The following MAPRE2 variants were observed in gnomAD, a reference collection of about 807,000 sequenced individuals.
MAPRE2 encodes microtubule associated protein RP/EB family member 2.
A neutral mutation model predicts 43.2 loss-of-function variants in MAPRE2; 13 were observed. The ratio of observed to expected loss-of-function variants is 0.30; its 90% CI spans 0.20 to 0.48. MAPRE2 has a LOEUF of 0.48. Ranked by LOEUF, MAPRE2 falls within the 20% of genes least tolerant of loss-of-function variation. MAPRE2 has a pLI of 0.99. For missense variants in MAPRE2, 161 were observed against 400.2 expected (o/e 0.40, Z 5.10); for synonymous variants, 135 against 148.8 (o/e 0.91, Z 0.68).
At chr18:35,067,677 A>T (rs1192026741) in intron 1 of MAPRE2, among the ~76,000 whole-genome samples, 1 of 152,188 alleles carries the variant, frequency 6.6e-6, no homozygotes, top group African/African-American at 2.4e-5. Flanking sequence ...TTGCCCGGTA[A>T]TGCAGAAGCT....
chr18:35,035,196 G>A (rs1377608751), intron 2 of MAPRE2, among the ~76,000 whole-genome samples: 3 of 151,930 alleles, frequency 2.0e-5, no homozygotes, highest in Non-Finnish European at 2.9e-5. Flanking sequence ...AAAATGATGA[G>A]CTCATGTCCT....
chr18:35,096,723 TTTAATACTTAATAATTAATA>T (rs1441147025), intron 2 of MAPRE2, among the ~76,000 whole-genome samples: 15 of 152,172 alleles, frequency 9.9e-5, no homozygotes, highest in African/African-American at 2.6e-4. Context: ...AATTTACCAA[TTTAATACTTAATAATTAATA>T]AGTATAAGTA....
chr18:35,030,735 T>A (rs955611533), intron 2 of MAPRE2, among the ~76,000 whole-genome samples: 1 of 151,850 alleles, frequency 6.6e-6, no homozygotes, highest in Admixed American at 6.5e-5. Context: ...CCAAGTTCTT[T>A]ACAACAGACT....
chr18:35,057,100 C>T (rs913829886), intron 1 of MAPRE2, among the ~76,000 whole-genome samples: 1 of 152,122 alleles, frequency 6.6e-6, no homozygotes, highest in African/African-American at 2.4e-5. Context: ...CTGCATCCTC[C>T]GCCCCCCTGG....
At chr18:35,037,184 C>G (rs1349036015), upstream of MAPRE2, among the ~76,000 whole-genome samples, 1 of 150,654 alleles carries the variant, frequency 6.6e-6, no homozygotes, top group African/African-American at 2.4e-5. Flanking sequence ...TTTACCAGCT[C>G]CTAGTATACA....
chr18:34,987,588 C>T (rs1834348155), intron 1 of MAPRE2, among the ~76,000 whole-genome samples: 1 of 152,014 alleles, frequency 6.6e-6, no homozygotes, highest in African/African-American at 2.4e-5. Flanking sequence ...ATTGTATTTC[C>T]ATTTTATTCA....
chr18:34,978,290 G>A, intron 1 of MAPRE2: 1 of 606,156 alleles, frequency 1.6e-6, no homozygotes, highest in Non-Finnish European at 2.9e-6. Context: ...CTATCGTGCT[G>A]TCAATGTAGA....
At chr18:35,025,387 C>G (rs912437717) in intron 2 of MAPRE2, among the ~76,000 whole-genome samples, 2 of 152,224 alleles carry the variant, frequency 1.3e-5, no homozygotes, top group Non-Finnish European at 2.9e-5. Flanking sequence ...TTCTAACCAT[C>G]AATAGGAAAT....
chr18:35,106,521 A>G (rs914290419), intron 4 of MAPRE2, among the ~76,000 whole-genome samples: 1 of 152,172 alleles, frequency 6.6e-6, no homozygotes, highest in Non-Finnish European at 1.5e-5. Context: ...TTTACATTGT[A>G]CAGACTACTT....
At chr18:35,127,201 G>A in intron 5 of MAPRE2, 114 bp downstream of exon 5, 1 of 1,050,260 alleles carries the variant, frequency 9.5e-7, no homozygotes, top group Non-Finnish European at 1.4e-6. Context: ...AGAATCCTTG[G>A]TTTCAAGTAA....
chr18:35,120,687 A>G (rs1909628777), intron 4 of MAPRE2, among the ~76,000 whole-genome samples: 1 of 152,130 alleles, frequency 6.6e-6, no homozygotes, highest in African/African-American at 2.4e-5. Flanking sequence ...CACTCTCCTC[A>G]TCAGTCTAGC....
chr18:35,045,633 A>G (rs1277664432), intron 1 of MAPRE2, among the ~76,000 whole-genome samples: 2 of 152,176 alleles, frequency 1.3e-5, no homozygotes, highest in Non-Finnish European at 1.5e-5. Flanking sequence ...GTGTGTGTAT[A>G]AAAGAGTTGT....
intron 5 of MAPRE2, among the ~76,000 whole-genome samples, chr18:35,130,128 G>C (rs1207385052): frequency 1.3e-5 from 2 of 151,356 alleles, no homozygotes; most frequent in Non-Finnish European, 2.9e-5. Flanking sequence ...GGTTGGATGT[G>C]TCCTTGCCTG....
intron 1 of MAPRE2, among the ~76,000 whole-genome samples, chr18:34,991,920 AT>A (rs1247573918): frequency 6.6e-6 from 1 of 152,118 alleles, no homozygotes; most frequent in Non-Finnish European, 1.5e-5. Flanking sequence ...ATGGGAAGAG[AT>A]TTTTAACACT....
At chr18:34,982,125 C>T (rs1004471878) in intron 1 of MAPRE2, among the ~76,000 whole-genome samples, 3 of 151,920 alleles carry the variant, frequency 2.0e-5, no homozygotes, top group Non-Finnish European at 2.9e-5. Context: ...CCTCGTAATC[C>T]GCCCACCTCG....
chr18:35,003,504 G>T (rs764287972), intron 1 of MAPRE2, among the ~76,000 whole-genome samples: 1 of 152,194 alleles, frequency 6.6e-6, no homozygotes, highest in Admixed American at 6.5e-5. Flanking sequence ...TGCATAAGGT[G>T]TTCAATAAAT....
intron 2 of MAPRE2, among the ~76,000 whole-genome samples, chr18:35,010,440 G>A (rs2097033971): frequency 6.6e-6 from 1 of 152,182 alleles, no homozygotes; most frequent in Admixed American, 6.5e-5. Flanking sequence ...AAGTAGAGAT[G>A]TAATACATCT....
chr18:34,993,315 G>T lies in MAPRE2; in HGVS notation c.-69-12177G>T, dbSNP rs150263580. 5.1e-3 allele frequency among the ~76,000 whole-genome samples: 762 copies of T among 148,678 alleles called. 5 individuals are homozygous for T. Among genetic ancestry groups the T allele is most frequent in the African/African-American group, 0.018 (731 of 40,078 alleles). On this transcript the variant is annotated intron_variant, in intron 1 of 7. Coordinates refer to the MAPRE2 transcript ENST00000413393. ...GCAAGGTCATGTTTTGTTGCCCAGGGTGGTCTAGATCTCCTCGGCTCAAGG... is the reference window on the plus strand; with the variant it reads ...GCAAGGTCATGTTTTGTTGCCCAGGTTGGTCTAGATCTCCTCGGCTCAAGG...
At chr18:35,051,820 T>C (rs1343233694) in intron 1 of MAPRE2, among the ~76,000 whole-genome samples, 1 of 152,216 alleles carries the variant, frequency 6.6e-6, no homozygotes, top group Non-Finnish European at 1.5e-5. Context: ...AGGGTTCTTA[T>C]GCAGATTAAA....
Sources: allele counts gnomAD v4.1 joint callset (sites outside exome capture counted in the v4.1 genomes callset), GRCh38; gene constraint gnomAD v4.1.1; transcripts MANE v1.5; gene names NCBI Gene and HGNC (gene_info 2026-07-23, HGNC 2026-07-21).